Variants in SLC44A5 observed in about 807,000 individuals in gnomAD.
The protein encoded by SLC44A5 is choline transporter-like protein 5.
In SLC44A5, 57 loss-of-function variants were observed where a neutral mutation model predicts 101.8. The ratio of observed to expected loss-of-function variants is 0.56; its 90% CI spans 0.45 to 0.70. The LOEUF (loss-of-function observed/expected upper bound fraction) is 0.70. Among genes scored for constraint, SLC44A5 ranks in the 30% least tolerant of loss-of-function variants. The probability of loss-of-function intolerance (pLI) is 0.00; values close to 1 mark genes in which losing one functional copy is unlikely to be tolerated. For synonymous variants in SLC44A5, 281 were observed against 290.9 expected (o/e 0.97, Z 0.35); for missense variants, 737 against 853.1 (o/e 0.86, Z 1.70).
intron 1 of SLC44A5, among the ~76,000 whole-genome samples, chr1:75,591,416 C>T (rs754717200): frequency 1.1e-4 from 17 of 152,050 alleles, no homozygotes; most frequent in Admixed American, 5.9e-4. Context: ...CACTTGATCA[C>T]GGTGGAGTAT....
At chr1:75,435,587 C>T (rs1664841322) in intron 2 of SLC44A5, among the ~76,000 whole-genome samples, 1 of 152,136 alleles carries the variant, frequency 6.6e-6, no homozygotes, top group African/African-American at 2.4e-5. Flanking sequence ...AGAAAGACTC[C>T]ACTGTGGAGC....
chr1:75,452,232 T>C (rs1665947400), intron 2 of SLC44A5, among the ~76,000 whole-genome samples: 1 of 152,120 alleles, frequency 6.6e-6, no homozygotes. Context: ...CAGGAGAGAT[T>C]GAGGGCCTAT....
intron 2 of SLC44A5, among the ~76,000 whole-genome samples, chr1:75,471,109 T>G (rs770397024): frequency 6.6e-6 from 1 of 152,200 alleles, no homozygotes; most frequent in Admixed American, 6.5e-5. Context: ...TAGTATTTTC[T>G]CAGTGATTCG....
rs952091737 is a variant in SLC44A5 at position 75,219,071 on chromosome 1, C to A, written c.1266+186G>T. On this transcript the variant is annotated intron_variant, in intron 16 of 23. Transcript: ENST00000370859. ...AAGCTCAGGAAATACAGTGCTTTCTCTCCATTCCACCCACTGTTTTCCATA... is the reference window on the plus strand; with the variant it reads ...AAGCTCAGGAAATACAGTGCTTTCTATCCATTCCACCCACTGTTTTCCATA... Among the ~76,000 whole-genome samples the A allele has an allele frequency of 2.8e-4, 43 of 152,082 alleles. 1 individual carries two copies. Among genetic ancestry groups the A allele is most frequent in the Admixed American group, 2.6e-3 (39 of 15,254 alleles).
chr1:75,692,224 C>T, the SLC44A5 span, among the ~76,000 whole-genome samples: 163 of 122,642 alleles, frequency 1.3e-3, no homozygotes, highest in African/African-American at 4.3e-3. Flanking sequence ...GACAGAGTCT[C>T]GCTCTGTTGC....
the SLC44A5 span, among the ~76,000 whole-genome samples, chr1:75,639,803 G>A: frequency 6.6e-6 from 1 of 152,032 alleles, no homozygotes; most frequent in Admixed American, 6.6e-5. Context: ...TTGTTTGTCT[G>A]ACTGTCATAG....
intron 6 of SLC44A5, among the ~76,000 whole-genome samples, chr1:75,264,250 C>T (rs1570510332): frequency 6.6e-6 from 1 of 152,062 alleles, no homozygotes. Context: ...GCCCCATTGA[C>T]ATCCCCTACC....
rs1197087421 is a variant in SLC44A5, at chr1:75,300,688, A to G, written c.102-3T>C. On this transcript the variant is annotated splice_region_variant and splice_polypyrimidine_tract_variant and intron_variant, in intron 4 of 23. Coordinates refer to ENST00000370859, the MANE Select transcript of SLC44A5 (RefSeq NM_001130058.2). ...AGCACAGAACATCTGTACAACTCCT[A>G]AAGACAAAAAAAGAAATAAATAATT... The G allele has an allele frequency of 6.4e-7, 1 of 1,561,712 alleles. No homozygotes were observed. The highest frequency in any genetic ancestry group is 2.3e-5 in the East Asian group (1 of 43,342).
chr1:75,471,720 C>A (rs1219078666), intron 2 of SLC44A5, among the ~76,000 whole-genome samples: 1 of 151,992 alleles, frequency 6.6e-6, no homozygotes, highest in Non-Finnish European at 1.5e-5. Flanking sequence ...AGACTGGCAG[C>A]TTTTTCTTAG....
At chr1:75,612,820 G>C (rs533350428), upstream of SLC44A5, among the ~76,000 whole-genome samples, 8 of 152,242 alleles carry the variant, frequency 5.3e-5, no homozygotes, top group African/African-American at 1.9e-4. Context: ...GAAAAGGCAG[G>C]GGTGGGGGTG....
At chr1:75,341,824 G>A (rs563519112) in intron 3 of SLC44A5, among the ~76,000 whole-genome samples, 1 of 152,204 alleles carries the variant, frequency 6.6e-6, no homozygotes, top group East Asian at 1.9e-4. Flanking sequence ...TAATCTGTCT[G>A]AATAGCTGAA....
chr1:75,651,052 T>A, the SLC44A5 span, among the ~76,000 whole-genome samples: 1 of 152,176 alleles, frequency 6.6e-6, no homozygotes. Context: ...AATAAATCAA[T>A]GTTTGATATT....
intron 2 of SLC44A5, among the ~76,000 whole-genome samples, chr1:75,451,455 T>C (rs1665903905): frequency 6.6e-6 from 1 of 151,730 alleles, no homozygotes; most frequent in South Asian, 2.1e-4. Flanking sequence ...TTCTCTACCA[T>C]CGTACTCCCT....
At chr1:75,412,441 G>A (rs1409347588) in intron 2 of SLC44A5, among the ~76,000 whole-genome samples, 1 of 152,022 alleles carries the variant, frequency 6.6e-6, no homozygotes, top group Non-Finnish European at 1.5e-5. Context: ...TCGAACCTCA[G>A]AATCCTTCTC....
chr1:75,243,533 C>G (rs1298809913), intron 7 of SLC44A5, among the ~76,000 whole-genome samples: 2 of 151,988 alleles, frequency 1.3e-5, no homozygotes, highest in Admixed American at 6.6e-5. Flanking sequence ...TATGTTAAAA[C>G]AAGATACCAT....
chr1:75,359,696 A>G (rs1249284503), intron 3 of SLC44A5, among the ~76,000 whole-genome samples: 1 of 152,156 alleles, frequency 6.6e-6, no homozygotes, highest in Non-Finnish European at 1.5e-5. Context: ...CAGAAATAGG[A>G]TTGCTGGATC....
chr1:75,435,431 G>A (rs749664643), intron 2 of SLC44A5, among the ~76,000 whole-genome samples: 17 of 152,182 alleles, frequency 1.1e-4, no homozygotes, highest in Non-Finnish European at 2.1e-4. Flanking sequence ...GGGGGAAAAA[G>A]GAGCCTTCTT....
the SLC44A5 span, among the ~76,000 whole-genome samples, chr1:75,667,236 C>A: frequency 6.6e-6 from 1 of 152,172 alleles, no homozygotes; most frequent in Non-Finnish European, 1.5e-5. Flanking sequence ...AGCAAAGTCT[C>A]AAGATACAAA....
chr1:75,273,074 T>C (rs187898147), intron 6 of SLC44A5, among the ~76,000 whole-genome samples: 3 of 151,496 alleles, frequency 2.0e-5, no homozygotes, highest in Admixed American at 6.6e-5. Context: ...GTTTCGTAGT[T>C]TTCCTTGTAG....
Sources: gnomAD v4.1 joint callset for allele counts (sites outside exome capture counted in the v4.1 genomes callset) on GRCh38, gnomAD v4.1.1 for gene constraint, MANE v1.5 for transcripts, NCBI Gene and HGNC (gene_info 2026-07-23, HGNC 2026-07-21) for gene names.